Variants in COL21A1 observed in about 807,000 individuals in gnomAD.
COL21A1 encodes the protein collagen alpha-1(XXI) chain.
COL21A1 carries 149 observed loss-of-function variants against 137.9 expected under a neutral mutation model. That is an observed-to-expected ratio of 1.08 (90% CI 0.95 to 1.24). The LOEUF is 1.24. Ranked by LOEUF, COL21A1 falls within the 50% of genes most tolerant of loss-of-function variation. The pLI, the probability that COL21A1 is intolerant of heterozygous loss-of-function variation, is 0.00. For missense variants in COL21A1, 1,167 were observed against 1,158.4 expected, an observed-to-expected ratio of 1.01 and a Z score of -0.11; for synonymous variants, 456 against 391.5, an observed-to-expected ratio of 1.16 and a Z score of -1.95.
chr6:56,342,362 T>C (rs1414517679), intron 1 of COL21A1, among the ~76,000 whole-genome samples: 2 of 152,206 alleles, frequency 1.3e-5, no homozygotes, highest in African/African-American at 4.8e-5. Flanking sequence ...AAGTGATTGT[T>C]GTTTTAATGC....
chr6:56,358,582 C>A (rs932899595), intron 1 of COL21A1, among the ~76,000 whole-genome samples: 3 of 152,066 alleles, frequency 2.0e-5, no homozygotes, highest in African/African-American at 7.2e-5. Context: ...CAACTCCAAC[C>A]CACTGGTATA....
intron 1 of COL21A1, among the ~76,000 whole-genome samples, chr6:56,350,705 T>G (rs1039814374): frequency 6.6e-6 from 1 of 152,214 alleles, no homozygotes; most frequent in Non-Finnish European, 1.5e-5. Context: ...TTGCCCGATG[T>G]GTACCAGAAT....
At chr6:56,272,461 T>C (rs1268769577) in intron 1 of COL21A1, among the ~76,000 whole-genome samples, 1 of 152,198 alleles carries the variant, frequency 6.6e-6, no homozygotes, top group Non-Finnish European at 1.5e-5. Context: ...ACTAGCTTTG[T>C]CTCAAATGAG....
chr6:56,281,986 G>A (rs1470231206), intron 1 of COL21A1, among the ~76,000 whole-genome samples: 2 of 152,212 alleles, frequency 1.3e-5, no homozygotes, highest in Non-Finnish European at 2.9e-5. Context: ...AAACTTTGCT[G>A]TGAGACGATG....
chr6:56,259,943 G>A (rs1241233796), intron 1 of COL21A1, among the ~76,000 whole-genome samples: 1 of 152,186 alleles, frequency 6.6e-6, no homozygotes, highest in Non-Finnish European at 1.5e-5. Context: ...ATATCCCGGA[G>A]TCATTCTGGG....
chr6:56,374,504 C>T (rs2093995769), intron 1 of COL21A1, among the ~76,000 whole-genome samples: 1 of 152,072 alleles, frequency 6.6e-6, no homozygotes, highest in South Asian at 2.1e-4. Flanking sequence ...GCTAGCGGAT[C>T]ACAAGGTCAA....
rs181235329 is a variant in COL21A1, at chr6:56,325,492, T to G, written c.-39+68479A>C. 2.7e-3 allele frequency among the ~76,000 whole-genome samples: 14 copies of G among 5,124 alleles called. 3 individuals are homozygous for G. In the Admixed American group the frequency reaches 0.028, roughly 10 times the overall value. The allele number at this position is 5,124 out of a possible 152,430, so 3.4% of individuals were successfully genotyped here. A position where few individuals can be genotyped will look rare whatever the true frequency, so the allele number is the denominator to read the frequency against. ...ATCTGATATATTATATAATATATATTATATATTATATCTGTAATATATTAT... is the reference window on the plus strand; with the variant it reads ...ATCTGATATATTATATAATATATATGATATATTATATCTGTAATATATTAT... On this transcript the variant is annotated intron_variant, in intron 1 of 28. Transcript: ENST00000370819.
At chr6:56,318,569 T>A (rs913279187) in intron 1 of COL21A1, among the ~76,000 whole-genome samples, 1 of 152,094 alleles carries the variant, frequency 6.6e-6, no homozygotes, top group Non-Finnish European at 1.5e-5. Context: ...CTCCCCTGAC[T>A]ACCTCTACCC....
At chr6:56,123,401 A>G (rs1395534255) in intron 16 of COL21A1, among the ~76,000 whole-genome samples, 1 of 152,214 alleles carries the variant, frequency 6.6e-6, no homozygotes, top group Non-Finnish European at 1.5e-5. Flanking sequence ...TTTGGAAAAC[A>G]CCTACAGACC....
At chr6:56,174,368 T>C (rs1345713576) in intron 3 of COL21A1, among the ~76,000 whole-genome samples, 1 of 151,632 alleles carries the variant, frequency 6.6e-6, no homozygotes, top group East Asian at 1.9e-4. Flanking sequence ...TGGAAAGAAG[T>C]CAACAAAGCT....
At chr6:56,314,220 T>G (rs1764677692) in intron 1 of COL21A1, among the ~76,000 whole-genome samples, 1 of 152,172 alleles carries the variant, frequency 6.6e-6, no homozygotes, top group Non-Finnish European at 1.5e-5. Flanking sequence ...CCTGAGCTTG[T>G]GATCTGCCCA....
chr6:56,061,747 CT>C, intron 24 of COL21A1, 66 bp from the exon 25 acceptor site: 5 of 1,003,998 alleles, frequency 5.0e-6, no homozygotes, highest in South Asian at 1.6e-5. Context: ...TGGCATCCAC[CT>C]TTTACCACAT....
chr6:56,129,635 G>T (rs1385809352), intron 12 of COL21A1, among the ~76,000 whole-genome samples: 1 of 150,700 alleles, frequency 6.6e-6, no homozygotes, highest in East Asian at 2.0e-4. Flanking sequence ...TCTGTCACGT[G>T]CGTGCGTGTG....
At chr6:56,178,373 CTTTATTTAAAG>C (rs1777646701) in intron 3 of COL21A1, among the ~76,000 whole-genome samples, 1 of 151,908 alleles carries the variant, frequency 6.6e-6, no homozygotes, top group Non-Finnish European at 1.5e-5. Flanking sequence ...ATTACAGTAC[CTTTATTTAAAG>C]TTTCATGGAA....
Position 56,057,482 on chromosome 6 carries a change from G to C in COL21A1, c.*175C>G, listed in dbSNP as rs1448290419. 3.2e-6 allele frequency: 2 copies of C among 630,068 alleles called. No individual in the cohort carries two copies. Among genetic ancestry groups the C allele is most frequent in the Non-Finnish European group, 5.5e-6 (2 of 366,560 alleles). 39.0% of individuals were successfully genotyped at this position (630,068 alleles called of 1,614,324 possible). On this transcript the variant is annotated 3_prime_UTR_variant, in exon 30 of 30. Coordinates refer to ENST00000244728, the MANE Select transcript of COL21A1 (RefSeq NM_030820.4). ...AATCCAAGGGCTCCAAATGACTGAG[G>C]AGCCTTTAAAATCAGTATATGTGAT...
In COL21A1 at chr6:56,318,987, A is replaced by G. The variant is rs570730613; in HGVS notation, c.-39+74984T>C. Among the ~76,000 whole-genome samples the G allele has an allele frequency of 5.3e-5, 8 of 152,018 alleles. 1 individual carries two copies. The highest frequency in any genetic ancestry group is 1.9e-4 in the African/African-American group (8 of 41,456). On this transcript the variant is annotated intron_variant, in intron 1 of 28. Transcript: ENST00000370819. ...CATTGAAGCTTTTGCCTCATCTCCA[A>G]AACTGCTCTTGCCATGGTAACCAAC...
chr6:56,386,318 G>A (rs535485622), intron 1 of COL21A1, among the ~76,000 whole-genome samples: 12 of 152,276 alleles, frequency 7.9e-5, no homozygotes, highest in Admixed American at 5.9e-4. Flanking sequence ...CCATTCATTC[G>A]TTGATGAACA....
chr6:56,105,451 G>A (rs1461524099), intron 16 of COL21A1, among the ~76,000 whole-genome samples: 2 of 152,050 alleles, frequency 1.3e-5, no homozygotes, highest in Admixed American at 6.6e-5. Context: ...TACTTGAACT[G>A]CTATAGTTTG....
At chr6:56,241,742 T>C (rs9370494) in intron 1 of COL21A1, among the ~76,000 whole-genome samples, 21,739 of 152,194 alleles carry the variant, frequency 0.14, 3,034 homozygotes, top group East Asian at 0.63. Context: ...GATTAATAAA[T>C]AGTATTATGT....
Sources: allele counts gnomAD v4.1 joint callset (sites outside exome capture counted in the v4.1 genomes callset), GRCh38; gene constraint gnomAD v4.1.1; transcripts MANE v1.5; gene names NCBI Gene and HGNC (gene_info 2026-07-23, HGNC 2026-07-21).